Variants in EVC observed in about 807,000 individuals in gnomAD.
EVC encodes the protein EvC ciliary complex subunit 1, also known as evC complex member EVC.
EVC carries 116 observed loss-of-function variants against 118.9 expected under a neutral mutation model. The ratio of observed to expected loss-of-function variants is 0.98; its 90% confidence interval spans 0.84 to 1.14. The LOEUF (loss-of-function observed/expected upper bound fraction) is 1.14, where lower values mean the gene tolerates loss of function less well. EVC is among the 50% of genes most tolerant of loss of function. The pLI, the probability that EVC is intolerant of heterozygous loss-of-function variation, is 0.00. For missense variants in EVC, 1,401 were observed against 1,246.4 expected (o/e 1.12, Z -1.87); for synonymous variants, 619 against 534.7 (o/e 1.16, Z -2.18).
At chr4:5,722,332 A>T (rs139566654) in intron 2 of EVC, among the ~76,000 whole-genome samples, 1 of 152,304 alleles carries the variant, frequency 6.6e-6, no homozygotes, top group East Asian at 1.9e-4. Context: ...ATTCAGCTAC[A>T]CCTAGCAGAT....
chr4:5,815,795 C>T (rs561087311), downstream of EVC, among the ~76,000 whole-genome samples: 16 of 152,292 alleles, frequency 1.1e-4, no homozygotes, highest in South Asian at 1.9e-3. Flanking sequence ...TGACGTCCCC[C>T]CTGGAATGTA....
chr4:5,818,452 G>A (rs572315196), downstream of EVC, among the ~76,000 whole-genome samples: 67 of 152,268 alleles, frequency 4.4e-4, no homozygotes, highest in African/African-American at 1.4e-3. Flanking sequence ...AATTGGCCAT[G>A]GCAAGAGACT....
In EVC at chr4:5,753,017, A is replaced by G. The variant is rs762053519; in HGVS notation, c.1280A>G (p.Lys427Arg). 2.5e-6 allele frequency: 4 copies of G among 1,610,482 alleles called. No homozygotes were observed. The highest frequency in any genetic ancestry group is 1.7e-4 in the Middle Eastern group (1 of 5,958). ...GAGGAGCTGCTCACGCAGCAGCACA[A>G]GGCCTTCTGGCAGGAGGCAGAGCGC... Reference protein sequence around the residue: ...QKEELLTQQHKAFWQEAERFS... With the variant: ...QKEELLTQQHRAFWQEAERFS... The change falls in exon 9 of 21, where the codon AAG (lysine) becomes AGG (arginine). Residue 427 changes from lysine to arginine, a missense_variant. Physicochemically the swap from Lys to Arg is conservative, Grantham distance 26. Transcript: ENST00000264956.
chr4:5,814,742 A>G (rs983187205), downstream of EVC, among the ~76,000 whole-genome samples: 4 of 150,512 alleles, frequency 2.7e-5, no homozygotes, highest in African/African-American at 9.8e-5. Flanking sequence ...CATGATGTGC[A>G]TTCTTTCTGG....
chr4:5,810,627 G>A (rs1716759704), intron 20 of EVC, among the ~76,000 whole-genome samples, 177 bp downstream of exon 20: 1 of 152,190 alleles, frequency 6.6e-6, no homozygotes, highest in Non-Finnish European at 1.5e-5. Flanking sequence ...GATGATACCA[G>A]GGGTGCCACA....
At chr4:5,747,461 C>G (rs1003003386) in intron 7 of EVC, among the ~76,000 whole-genome samples, 1 of 152,206 alleles carries the variant, frequency 6.6e-6, no homozygotes, top group Non-Finnish European at 1.5e-5. Flanking sequence ...CCTCTAGATA[C>G]ATACTTTATC....
chr4:5,733,472 G>A (rs1443311614), intron 5 of EVC, 37 bp downstream of exon 5: 1 of 1,556,030 alleles, frequency 6.4e-7, no homozygotes, highest in South Asian at 1.1e-5. Flanking sequence ...CTTTTCATGG[G>A]GACAGGAGCT....
rs1716560467 is a variant in EVC at position 5,809,603 on chromosome 4, G to T, written c.2774G>T (p.Gly925Val). 6.2e-7 allele frequency: 1 copy of T among 1,614,074 alleles called. No individual in the cohort carries two copies. The highest frequency in any genetic ancestry group is 8.5e-7 in the Non-Finnish European group (1 of 1,179,998). The change falls in exon 19 of 21, where the codon GGG (glycine) becomes GTG (valine). Residue 925 changes from glycine to valine, a missense_variant. Physicochemically the swap from Gly to Val is moderately radical, Grantham distance 109. Coordinates refer to ENST00000264956, the MANE Select transcript of EVC (RefSeq NM_153717.3). Reference sequence around the variant, plus strand: ...AGCAAACTGTTGCCTGCTAAGCGTGGGCTGCTAGGTGAGTCACAGATGCTT... The same window carrying T: ...AGCAAACTGTTGCCTGCTAAGCGTGTGCTGCTAGGTGAGTCACAGATGCTT... ...AESKLLPAKR[G>V]LLEKPLRTKR... is the part of the protein sequence containing the mutation.
intron 7 of EVC, among the ~76,000 whole-genome samples, chr4:5,745,954 C>T (rs1227502440): frequency 2.6e-5 from 4 of 152,106 alleles, no homozygotes; most frequent in South Asian, 2.1e-4. Flanking sequence ...GGAGAAGGCC[C>T]GAGGCAGGCA....
At chr4:5,729,245 T>G (rs1577354220) in intron 2 of EVC, 62 bp from the exon 3 acceptor site, 1 of 1,544,382 alleles carries the variant, frequency 6.5e-7, no homozygotes, top group Admixed American at 1.7e-5. Context: ...TTGGAAAAAC[T>G]TGACAACTTA....
intron 12 of EVC, 115 bp downstream of exon 12, chr4:5,783,879 A>G: frequency 4.0e-6 from 4 of 992,662 alleles, no homozygotes; most frequent in Non-Finnish European, 6.2e-6. Flanking sequence ...TGCTCTACGG[A>G]GATGACTGTT....
rs1016356536 is a variant in EVC, at chr4:5,812,719, T to G, written c.*1682T>G. On this transcript the variant is annotated 3_prime_UTR_variant, in exon 21 of 21. Coordinates refer to ENST00000264956, the MANE Select transcript of EVC (RefSeq NM_153717.3). ...TGAACATACCGGGCGAGATCATTCT[T>G]CAGGGGAAGGAGCTGCCCAGAGCAT... The G allele has an allele frequency of 6.5e-6, 1 of 153,964 alleles. No homozygotes were observed. Among genetic ancestry groups the G allele is most frequent in the African/African-American group, 2.4e-5 (1 of 41,470 alleles). 9.5% of individuals were successfully genotyped at this position (153,964 alleles called of 1,614,324 possible). A position where few individuals can be genotyped will look rare whatever the true frequency, so the allele number is the denominator to read the frequency against.
At chr4:5,758,562 T>G (rs1019319745) in intron 11 of EVC, among the ~76,000 whole-genome samples, 2 of 152,134 alleles carry the variant, frequency 1.3e-5, no homozygotes, top group Non-Finnish European at 2.9e-5. Flanking sequence ...GGAACAACTT[T>G]GTCCCCAGAG....
At chr4:5,722,360 T>C (rs552676376) in intron 2 of EVC, among the ~76,000 whole-genome samples, 5 of 152,236 alleles carry the variant, frequency 3.3e-5, no homozygotes, top group Non-Finnish European at 7.3e-5. Flanking sequence ...ATCAAGCTAA[T>C]AATTGCCAAG....
chr4:5,752,675 C>T (rs1402079471), intron 8 of EVC, 161 bp from the exon 9 acceptor site: 2 of 764,870 alleles, frequency 2.6e-6, no homozygotes, highest in Middle Eastern at 3.5e-4. Context: ...AGACGCAGAT[C>T]TCGCTCATGA....
At chr4:5,753,704 G>A (rs1478164291) in intron 9 of EVC, 81 bp from the exon 10 acceptor site, 1 of 1,583,686 alleles carries the variant, frequency 6.3e-7, no homozygotes, top group Non-Finnish European at 8.7e-7. Flanking sequence ...CCAACCTCCA[G>A]ACAGGAGAAA....
chr4:5,775,474 GC>G, intron 11 of EVC, among the ~76,000 whole-genome samples: 1 of 152,096 alleles, frequency 6.6e-6, no homozygotes, highest in Non-Finnish European at 1.5e-5. Flanking sequence ...AAATCTCAGA[GC>G]ACATCCTGGA....
chr4:5,825,513 C>T, the EVC span: 4 of 1,573,698 alleles, frequency 2.5e-6, no homozygotes, highest in South Asian at 4.7e-5. The surrounding 1 kb of genome is among the most constrained non-coding windows in gnomAD (Gnocchi z 4.4). Flanking sequence ...TGAAGTTGGA[C>T]TGGTGGAGGT....
At chr4:5,717,157 T>C (rs1724099937) in intron 1 of EVC, among the ~76,000 whole-genome samples, 1 of 152,194 alleles carries the variant, frequency 6.6e-6, no homozygotes, top group Non-Finnish European at 1.5e-5. Context: ...TCGATTCTCT[T>C]TGTCTTTTTT....
Sources: gnomAD v4.1 joint callset for allele counts (sites outside exome capture counted in the v4.1 genomes callset) on GRCh38, gnomAD v4.1.1 for gene constraint, Gnocchi (gnomAD v3.1) non-coding constraint, MANE v1.5 for transcripts, NCBI Gene and HGNC (gene_info 2026-07-23, HGNC 2026-07-21) for gene names.